Variants in SPON1 observed in about 807,000 individuals in gnomAD.
SPON1 encodes spondin 1, also known as spondin-1.
A neutral mutation model predicts 111.7 loss-of-function variants in SPON1; 52 were observed. The ratio of observed to expected loss-of-function variants is 0.47; its 90% confidence interval spans 0.37 to 0.59. The LOEUF (loss-of-function observed/expected upper bound fraction) is 0.59, where lower values mean the gene tolerates loss of function less well. Ranked by LOEUF, SPON1 falls within the 20% of genes least tolerant of loss-of-function variation. The probability of loss-of-function intolerance (pLI) is 0.00; values close to 1 mark genes in which losing one functional copy is unlikely to be tolerated. For synonymous variants in SPON1, 410 were observed against 395.8 expected, an observed-to-expected ratio of 1.04 and a Z score of -0.43; for missense variants, 957 against 1,068.5, an observed-to-expected ratio of 0.90 and a Z score of 1.46.
At chr11:13,982,166 A>ATGTATGTATG (rs1554909732) in intron 1 of SPON1, among the ~76,000 whole-genome samples, 1 of 150,984 alleles carries the variant, frequency 6.6e-6, no homozygotes, top group Non-Finnish European at 1.5e-5. Context: ...AAACTTTATC[A>ATGTATGTATG]TATGTATGTA....
chr11:14,060,529 G>A (rs560075048), intron 3 of SPON1, among the ~76,000 whole-genome samples: 2 of 152,280 alleles, frequency 1.3e-5, no homozygotes, highest in East Asian at 3.9e-4. Flanking sequence ...CTACCTCATA[G>A]GCAGGAGAAT....
chr11:14,018,538 T>C (rs960610311), intron 2 of SPON1, among the ~76,000 whole-genome samples: 10 of 152,180 alleles, frequency 6.6e-5, no homozygotes, highest in African/African-American at 2.4e-4. Flanking sequence ...CTGAGGAGGT[T>C]ATAACTTGGT....
chr11:14,137,943 T>G (rs1316072546), intron 6 of SPON1, among the ~76,000 whole-genome samples: 1 of 151,964 alleles, frequency 6.6e-6, no homozygotes, highest in Non-Finnish European at 1.5e-5. Context: ...TAAATATTGT[T>G]CCCCGCAAGC....
chr11:14,161,661 A>G (rs1410928946), intron 6 of SPON1, among the ~76,000 whole-genome samples: 2 of 151,990 alleles, frequency 1.3e-5, no homozygotes, highest in African/African-American at 2.4e-5. Flanking sequence ...ATTATCAAAC[A>G]CAAAGCCTAT....
chr11:13,964,991 A>C (rs1215973437), intron 1 of SPON1, among the ~76,000 whole-genome samples: 1 of 152,136 alleles, frequency 6.6e-6, no homozygotes, highest in Non-Finnish European at 1.5e-5. Context: ...TGGAAAAAAA[A>C]AAAAGCTGTT....
chr11:14,138,327 C>T (rs1847616364), intron 6 of SPON1, among the ~76,000 whole-genome samples: 1 of 150,316 alleles, frequency 6.7e-6, no homozygotes, highest in South Asian at 2.1e-4. Flanking sequence ...AACAAAAATA[C>T]TAATCCTATT....
At chr11:14,111,057 TGTA>T (rs1189762292) in intron 5 of SPON1, among the ~76,000 whole-genome samples, 5 of 152,192 alleles carry the variant, frequency 3.3e-5, no homozygotes, top group Non-Finnish European at 5.9e-5. Context: ...CTCCATCTCT[TGTA>T]GTAATATCAA....
chr11:14,097,844 C>A (rs985388978), intron 5 of SPON1, among the ~76,000 whole-genome samples: 2 of 150,154 alleles, frequency 1.3e-5, no homozygotes, highest in Non-Finnish European at 3.0e-5. Flanking sequence ...ATGTTTTTGT[C>A]TTTTTTTTTT....
At chr11:14,056,654 C>T (rs1591363332) in intron 3 of SPON1, among the ~76,000 whole-genome samples, 1 of 152,248 alleles carries the variant, frequency 6.6e-6, no homozygotes, top group East Asian at 1.9e-4. Flanking sequence ...CTTTGGGAGG[C>T]TGAGGCAGGT....
rs1406116856 is a variant in SPON1 at position 14,135,705 on chromosome 11, T to C, written c.825+137T>C. On this transcript the variant is annotated intron_variant, in intron 6 of 15. Coordinates refer to ENST00000576479, the MANE Select transcript of SPON1 (RefSeq NM_006108.4). The surrounding 1 kb of genome is among the most constrained non-coding windows in gnomAD (Gnocchi z 4.4). Reference sequence around the variant, plus strand: ...CTATTTGCTGAGTTTGGGGGTTTTATGTTAAGTAGAGGACAGACAGAGGCA... The same window carrying C: ...CTATTTGCTGAGTTTGGGGGTTTTACGTTAAGTAGAGGACAGACAGAGGCA... The C allele has an allele frequency of 4.7e-6, 4 of 853,910 alleles. No homozygotes were observed. The East Asian group carries it at 1.1e-4, about 23-fold the overall frequency. 52.9% of individuals were successfully genotyped at this position (853,910 alleles called of 1,614,324 possible).
chr11:14,242,571 C>T (rs931192389), intron 6 of SPON1, among the ~76,000 whole-genome samples: 8 of 152,160 alleles, frequency 5.3e-5, no homozygotes, highest in Non-Finnish European at 7.4e-5. Flanking sequence ...ACCCCTCACC[C>T]GCAGTGTGTA....
chr11:14,113,634 G>A lies in SPON1; in HGVS notation c.677-21786G>A, dbSNP rs1165328524. On this transcript the variant is annotated intron_variant, in intron 5 of 15. Transcript: ENST00000576479. ...TTTTTTTTTTTTGAGACGGAGTCTC[G>A]CTCTGTCGCCCAGGCTGGAGTGCAG... Among the ~76,000 whole-genome samples the A allele has an allele frequency of 3.6e-5, 4 of 111,984 alleles. No homozygotes were observed. The East Asian group carries it at 7.4e-4, about 21-fold the overall frequency. The allele number at this position is 111,984 out of a possible 152,430, so 73.5% of individuals were successfully genotyped here.
chr11:14,143,283 TG>T (rs1184305954), intron 6 of SPON1, among the ~76,000 whole-genome samples: 17 of 152,142 alleles, frequency 1.1e-4, no homozygotes, highest in African/African-American at 4.1e-4. Flanking sequence ...ACTGAAGGCC[TG>T]GGTGTGGTGG....
chr11:14,075,657 C>T (rs1310888128), intron 4 of SPON1, among the ~76,000 whole-genome samples: 3 of 152,046 alleles, frequency 2.0e-5, no homozygotes, highest in African/African-American at 4.8e-5. Context: ...ATATTGGTGT[C>T]GTCTTCTTAT....
At chr11:14,012,110 T>G (rs1848409759) in intron 2 of SPON1, among the ~76,000 whole-genome samples, 2 of 152,200 alleles carry the variant, frequency 1.3e-5, no homozygotes, top group Admixed American at 6.5e-5. Context: ...GAAGGCCATG[T>G]AGGTCATAGG....
chr11:14,263,089 GCATCTTCTGGAGTCTT>G lies in SPON1; in HGVS notation c.2260+117_2260+132del. On this transcript the variant is annotated intron_variant, in intron 15 of 15. Transcript: ENST00000576479. Reference sequence around the variant, plus strand: ...AAAAAAAAAAAGTCGGGGAGAGTCTGCATCTTCTGGAGTCTTCAGGCCACATTTTGATTCTTTAGAT... The same window carrying G: ...AAAAAAAAAAAGTCGGGGAGAGTCTGCAGGCCACATTTTGATTCTTTAGAT... 3.5e-6 allele frequency: 4 copies of G among 1,150,436 alleles called. No individual in the cohort carries two copies. In the South Asian group the frequency reaches 6.7e-5, roughly 19 times the overall value. The allele number at this position is 1,150,436 out of a possible 1,614,324, so 71.3% of individuals were successfully genotyped here.
At chr11:14,012,670 C>G (rs1325366354) in intron 2 of SPON1, among the ~76,000 whole-genome samples, 1 of 152,188 alleles carries the variant, frequency 6.6e-6, no homozygotes. Flanking sequence ...CCTCCTCCCC[C>G]ATCCCAACAC....
chr11:14,003,775 G>A (rs1326794088), intron 2 of SPON1, among the ~76,000 whole-genome samples: 1 of 152,100 alleles, frequency 6.6e-6, no homozygotes, highest in African/African-American at 2.4e-5. Context: ...ATCCATCATT[G>A]CACATAGTTA....
intron 6 of SPON1, among the ~76,000 whole-genome samples, chr11:14,240,605 G>A (rs1848915074): frequency 6.7e-6 from 1 of 149,906 alleles, no homozygotes; most frequent in Non-Finnish European, 1.5e-5. Context: ...GTGTGTGTGT[G>A]TGTGTGTGTG....
Sources: gnomAD v4.1 joint callset for allele counts (sites outside exome capture counted in the v4.1 genomes callset) on GRCh38, gnomAD v4.1.1 for gene constraint, Gnocchi (gnomAD v3.1) non-coding constraint, MANE v1.5 for transcripts, NCBI Gene and HGNC (gene_info 2026-07-23, HGNC 2026-07-21) for gene names.